ZNF695: variants seen among roughly 807,000 people sequenced by gnomAD.
The protein encoded by ZNF695 is zinc finger protein SBZF3.
Under a neutral mutation model 11.2 loss-of-function variants are expected in ZNF695, and 11 were observed. That is an observed-to-expected ratio of 0.98 (90% confidence interval 0.62 to 1.62). The LOEUF is 1.62. Ranked by LOEUF, ZNF695 falls within the 40% of genes most tolerant of loss-of-function variation. The pLI, the probability that ZNF695 is intolerant of heterozygous loss-of-function variation, is 0.00. For missense variants in ZNF695, 559 were observed against 590.5 expected (o/e 0.95, Z 0.55); for synonymous variants, 190 against 201.4 (o/e 0.94, Z 0.48).
At position 246,986,873 on chromosome 1, in the gene ZNF695, T is replaced by G; in HGVS notation, c.*94A>C. On this transcript the variant is annotated 3_prime_UTR_variant, in exon 4 of 4. Transcript: ENST00000339986. ...AATGGCCTTTTGACAGTCATTACATTTGTAACACTCTTATTCAGTAAAAAT... is the reference window on the plus strand; with the variant it reads ...AATGGCCTTTTGACAGTCATTACATGTGTAACACTCTTATTCAGTAAAAAT... 1 of 1,473,180 alleles carries G rather than the reference T, an allele frequency of 6.8e-7. No homozygotes were observed. Among genetic ancestry groups the G allele is most frequent in the Non-Finnish European group, 9.0e-7 (1 of 1,113,744 alleles). 91.3% of individuals were successfully genotyped at this position (1,473,180 alleles called of 1,614,324 possible).
intron 5 of ZNF695, among the ~76,000 whole-genome samples, chr1:246,948,209 G>A (rs1667786901): frequency 1.3e-5 from 2 of 152,070 alleles, no homozygotes; most frequent in African/African-American, 4.8e-5. Context: ...GAGTAGCTGG[G>A]ATTACAGGCA....
chr1:246,987,446 A>G lies in ZNF695; in HGVS notation c.1069T>C (p.Cys357Arg), dbSNP rs573374311. The change falls in exon 4 of 4, where the codon TGT becomes CGT. Residue 357 changes from cysteine (C) to arginine (R), a missense_variant. Transcript: ENST00000339986. Reference sequence around the variant, plus strand: ...GAGCTCTGGTTAAAGGCTTTTCCACATTCTTCACATCGGAAGGTTTTCTCT... The same window carrying G: ...GAGCTCTGGTTAAAGGCTTTTCCACGTTCTTCACATCGGAAGGTTTTCTCT... ...TGEKTFRCEECGKAFNQSSHL... is the reference protein window; with the variant it reads ...TGEKTFRCEERGKAFNQSSHL... 7.4e-5 allele frequency: 119 copies of G among 1,611,952 alleles called. No homozygotes were observed. The South Asian group carries it at 1.2e-3, about 16-fold the overall frequency.
At chr1:247,000,530 A>T (rs370732791) in intron 1 of ZNF695, among the ~76,000 whole-genome samples, 12 of 151,796 alleles carry the variant, frequency 7.9e-5, no homozygotes, top group African/African-American at 1.9e-4. Context: ...ATAAATAAAA[A>T]ATATATATAT....
intron 5 of ZNF695, among the ~76,000 whole-genome samples, chr1:246,958,999 T>C (rs1392284950): frequency 6.6e-6 from 1 of 151,858 alleles, no homozygotes; most frequent in Non-Finnish European, 1.5e-5. Flanking sequence ...AATCAGATAC[T>C]GTGTCTTGGC....
intron 5 of ZNF695, among the ~76,000 whole-genome samples, chr1:246,961,772 G>A (rs1427124979): frequency 6.6e-6 from 1 of 152,208 alleles, no homozygotes; most frequent in Non-Finnish European, 1.5e-5. Context: ...CATTCTGGAA[G>A]GGAGTTCAGA....
intron 5 of ZNF695, among the ~76,000 whole-genome samples, chr1:246,947,071 T>A (rs1341350372): frequency 7.4e-6 from 1 of 135,406 alleles, no homozygotes; most frequent in African/African-American, 2.8e-5. Flanking sequence ...ACTCGGGAGG[T>A]GGAGCTTGCA....
intron 5 of ZNF695, among the ~76,000 whole-genome samples, chr1:246,950,248 G>C (rs1439079053): frequency 6.6e-6 from 1 of 152,182 alleles, no homozygotes; most frequent in Non-Finnish European, 1.5e-5. Context: ...TTATGACCAA[G>C]GACTATGCTT....
intron 3 of ZNF695, 71 bp downstream of exon 3, chr1:246,999,277 C>T: frequency 7.7e-7 from 1 of 1,291,156 alleles, no homozygotes; most frequent in Non-Finnish European, 1.1e-6. Flanking sequence ...TCCCAAACCA[C>T]AGTTTAAAGT....
Position 246,987,664 on chromosome 1 carries a change from G to A in ZNF695, c.851C>T (p.Thr284Ile). ...GKAFNLCSVL[T>I]KHKKIHTGEK... ...TCCAGTATGAATTTTCTTATGTTTA[G>A]TAAGAACTGAGCACAGGTTAAAAGC... Residue 284 changes from threonine (T) to isoleucine (I), a missense_variant, in exon 4 of 4, where the codon ACT (threonine) becomes ATT (isoleucine). Coordinates refer to ENST00000339986, the MANE Select transcript of ZNF695 (RefSeq NM_020394.5). 1 of 1,600,278 alleles carries A rather than the reference G, an allele frequency of 6.2e-7. No homozygotes were observed. The highest frequency in any genetic ancestry group is 8.5e-7 in the Non-Finnish European group (1 of 1,175,214).
chr1:246,982,256 G>A (rs539350562), downstream of ZNF695, among the ~76,000 whole-genome samples: 3 of 96,176 alleles, frequency 3.1e-5, no homozygotes, highest in Admixed American at 4.7e-4. Flanking sequence ...GGCAAAAAGA[G>A]TGAAACTTAG....
chr1:246,970,154 A>C (rs1668389181), intron 4 of ZNF695, among the ~76,000 whole-genome samples: 1 of 152,216 alleles, frequency 6.6e-6, no homozygotes, highest in Non-Finnish European at 1.5e-5. Flanking sequence ...ATTCAAAGTA[A>C]ACTAGTGTTA....
chr1:246,992,021 G>A (rs1451918510), intron 3 of ZNF695, among the ~76,000 whole-genome samples: 1 of 152,076 alleles, frequency 6.6e-6, no homozygotes, highest in Non-Finnish European at 1.5e-5. Flanking sequence ...ACGTGTAGCC[G>A]GGCGTGGTGG....
intron 5 of ZNF695, among the ~76,000 whole-genome samples, chr1:246,950,679 C>T (rs113822298): frequency 1.5e-5 from 2 of 132,224 alleles, no homozygotes; most frequent in Non-Finnish European, 1.6e-5. Context: ...AAAAAAAAAT[C>T]CACCCAATAT....
At chr1:246,964,870 G>C (rs1668247276) in intron 5 of ZNF695, among the ~76,000 whole-genome samples, 1 of 149,782 alleles carries the variant, frequency 6.7e-6, no homozygotes, top group Admixed American at 6.7e-5. Flanking sequence ...GTGAGACTCT[G>C]TCTCAAAAAA....
At chr1:246,966,317 C>T (rs1668289055) in intron 5 of ZNF695, among the ~76,000 whole-genome samples, 2 of 152,060 alleles carry the variant, frequency 1.3e-5, no homozygotes, top group Admixed American at 1.3e-4. Flanking sequence ...GTTGAAACCC[C>T]ATCTCTACTA....
rs760438148 is a variant in ZNF695, at chr1:246,987,416, G to A, written c.1099C>T (p.Leu367=). 4 of 1,612,294 alleles carry A rather than the reference G, an allele frequency of 2.5e-6. No homozygotes were observed. The highest frequency in any genetic ancestry group is 1.3e-5 in the African/African-American group (1 of 74,862). ...CGKAFNQSSH[L]TEHRRIHTGE... The stretch of plus-strand genomic sequence containing the variant: ...GTATGAATTCTCCTATGTTCAGTCA[G>A]ATGTGAGCTCTGGTTAAAGGCTTTT... Residue 367 remains leucine, a synonymous_variant, in exon 4 of 4, where the codon CTG becomes TTG. Transcript: ENST00000339986.
Position 247,007,972 on chromosome 1 carries a change from G to T in ZNF695, c.-64C>A. ...TCTCGCAATACCTGCAGGCCACAGG[G>T]CGATGGAGCCTGCGGCAGTCACCCG... On this transcript the variant is annotated 5_prime_UTR_variant, in exon 1 of 4. Transcript: ENST00000339986. 6.9e-7 allele frequency: 1 copy of T among 1,444,602 alleles called. No homozygotes were observed. The allele number at this position is 1,444,602 out of a possible 1,614,324, so 89.5% of individuals were successfully genotyped here.
chr1:246,976,489 A>G (rs79261919), intron 4 of ZNF695, among the ~76,000 whole-genome samples: 6,321 of 152,188 alleles, frequency 0.042, 447 homozygotes, highest in African/African-American at 0.14. Context: ...TAAACAACAC[A>G]TGACAAAAGG....
At chr1:246,991,344 G>A (rs1048564133) in intron 3 of ZNF695, among the ~76,000 whole-genome samples, 1 of 152,094 alleles carries the variant, frequency 6.6e-6, no homozygotes, top group African/African-American at 2.4e-5. Flanking sequence ...ACAACCCAGA[G>A]AATGGGAGAA....
Sources: gnomAD v4.1 joint callset for allele counts (sites outside exome capture counted in the v4.1 genomes callset) on GRCh38, gnomAD v4.1.1 for gene constraint, MANE v1.5 for transcripts, NCBI Gene and HGNC (gene_info 2026-07-23, HGNC 2026-07-21) for gene names.